PDE8B: variants seen among roughly 807,000 people sequenced by gnomAD.
The protein encoded by PDE8B is high affinity cAMP-specific and IBMX-insensitive 3',5'-cyclic phosphodiesterase 8B.
Under a neutral mutation model 101.3 loss-of-function variants are expected in PDE8B, and 26 were observed. That is an observed-to-expected ratio of 0.26 (90% CI 0.19 to 0.36). The LOEUF (loss-of-function observed/expected upper bound fraction) is 0.36, where lower values mean the gene tolerates loss of function less well. Among genes scored for constraint, PDE8B ranks in the 10% least tolerant of loss-of-function variants. PDE8B has a pLI of 1.00. For synonymous variants in PDE8B, 424 were observed against 429.3 expected (o/e 0.99, Z 0.15); for missense variants, 810 against 1,163.1 (o/e 0.70, Z 4.42).
At position 77,291,032 on chromosome 5, in the gene PDE8B, C is replaced by G. The variant is rs954312258; in HGVS notation, c.340-20962C>G. 9 of 1,611,762 alleles carry G rather than the reference C, an allele frequency of 5.6e-6. No homozygotes were observed. The Middle Eastern group carries it at 4.9e-4, about 88-fold the overall frequency. ...GCACTCAGGTGGGAAAACAGATGGC[C>G]CTGATGGTGCAGGAGAGGTTTGGGA... On this transcript the variant is annotated intron_variant, in intron 1 of 21. Coordinates refer to ENST00000264917, the MANE Select transcript of PDE8B (RefSeq NM_003719.5).
At chr5:77,309,331 T>C (rs960768775) in intron 1 of PDE8B, among the ~76,000 whole-genome samples, 1 of 152,170 alleles carries the variant, frequency 6.6e-6, no homozygotes, top group Non-Finnish European at 1.5e-5. Flanking sequence ...TTATTATTTT[T>C]TGGACAGCCT....
chr5:77,204,473 A>C, the PDE8B span, among the ~76,000 whole-genome samples: 1 of 152,024 alleles, frequency 6.6e-6, no homozygotes, highest in Non-Finnish European at 1.5e-5. Flanking sequence ...TTTGCAAGAC[A>C]ATGGATTTGT....
chr5:77,175,870 C>G, the PDE8B span, among the ~76,000 whole-genome samples: 1 of 152,000 alleles, frequency 6.6e-6, no homozygotes, highest in Non-Finnish European at 1.5e-5. Flanking sequence ...TATATAGATA[C>G]GCACATACAT....
At chr5:77,312,172 CGGCTCACTGCAACCTCT>C in intron 2 of PDE8B, 119 bp downstream of exon 2, 1 of 716,166 alleles carries the variant, frequency 1.4e-6, no homozygotes, top group Non-Finnish European at 2.4e-6. Context: ...GGCTCAGTCT[CGGCTCACTGCAACCTCT>C]GCCTCCTGGG....
At chr5:77,416,642 G>A (rs951630810) in intron 17 of PDE8B, among the ~76,000 whole-genome samples, 4 of 152,222 alleles carry the variant, frequency 2.6e-5, no homozygotes, top group African/African-American at 7.2e-5. Flanking sequence ...GCTCCATGGG[G>A]TCAGCGTTGG....
intron 10 of PDE8B, among the ~76,000 whole-genome samples, chr5:77,361,487 T>C (rs1278392899): frequency 6.6e-6 from 1 of 151,948 alleles, no homozygotes; most frequent in East Asian, 1.9e-4. Context: ...AATTTCTATG[T>C]ACACCTTTGT....
intron 10 of PDE8B, among the ~76,000 whole-genome samples, chr5:77,366,504 T>C (rs1394112059): frequency 6.6e-6 from 1 of 152,162 alleles, no homozygotes; most frequent in Non-Finnish European, 1.5e-5. Flanking sequence ...TGGTCCAGGC[T>C]CAGGCAGGGG....
chr5:77,097,693 C>CTATA, the PDE8B span, among the ~76,000 whole-genome samples: 2 of 30,218 alleles, frequency 6.6e-5, no homozygotes, highest in Admixed American at 4.9e-4. Context: ...TTTTATATAT[C>CTATA]TATATATATA....
chr5:77,328,778 T>C (rs1174070705), intron 3 of PDE8B, among the ~76,000 whole-genome samples: 1 of 152,192 alleles, frequency 6.6e-6, no homozygotes, highest in African/African-American at 2.4e-5. Flanking sequence ...ACCTATTGGA[T>C]AATTGCCTGG....
At chr5:77,328,953 C>T (rs751181028) in intron 3 of PDE8B, 45 bp from the exon 4 acceptor site, 1 of 1,499,442 alleles carries the variant, frequency 6.7e-7, no homozygotes, top group East Asian at 2.3e-5. Context: ...TTTAATGTAA[C>T]AAAGCCCAGA....
chr5:77,349,304 A>C, intron 7 of PDE8B, 115 bp from the exon 8 acceptor site: 1 of 1,362,464 alleles, frequency 7.3e-7, no homozygotes, highest in Non-Finnish European at 1.0e-6. Context: ...TGCCCTGGGA[A>C]CTTCTTGCTT....
At chr5:77,124,943 G>T in the PDE8B span, among the ~76,000 whole-genome samples, 12 of 152,272 alleles carry the variant, frequency 7.9e-5, no homozygotes, top group African/African-American at 2.4e-4. Flanking sequence ...AATAGTAAAA[G>T]AAATTTCTAA....
chr5:77,169,446 T>G, the PDE8B span, among the ~76,000 whole-genome samples: 1 of 152,194 alleles, frequency 6.6e-6, no homozygotes, highest in African/African-American at 2.4e-5. Context: ...CAAGAATTTG[T>G]GTCTCCAAGT....
the PDE8B span, chr5:77,106,037 T>G: frequency 6.6e-6 from 1 of 152,210 alleles, no homozygotes; most frequent in Non-Finnish European, 1.5e-5. Context: ...CACAGTTGAG[T>G]TGTATTAGTT....
intron 16 of PDE8B, among the ~76,000 whole-genome samples, chr5:77,412,884 A>T (rs973989854): frequency 6.6e-6 from 1 of 152,214 alleles, no homozygotes; most frequent in African/African-American, 2.4e-5. Context: ...TTTAGAGTTC[A>T]TCTAGAAATA....
At chr5:77,208,757 G>A (rs1747713680), upstream of PDE8B, among the ~76,000 whole-genome samples, 1 of 152,148 alleles carries the variant, frequency 6.6e-6, no homozygotes, top group Non-Finnish European at 1.5e-5. Flanking sequence ...ACATCTCCTA[G>A]GGGCAGTGCC....
the PDE8B span, among the ~76,000 whole-genome samples, chr5:77,121,138 A>G: frequency 6.6e-6 from 1 of 152,222 alleles, no homozygotes; most frequent in Non-Finnish European, 1.5e-5. Context: ...GGAATTCAGG[A>G]GTCACTTAGC....
At chr5:77,387,241 C>T (rs187644808) in intron 10 of PDE8B, among the ~76,000 whole-genome samples, 48 of 152,130 alleles carry the variant, frequency 3.2e-4, no homozygotes, top group Admixed American at 2.8e-3. Context: ...CTTTCAGGAG[C>T]TCTTGTAAGG....
Position 77,353,525 on chromosome 5 carries a change from T to C in PDE8B, c.1167+119T>C. On this transcript the variant is annotated intron_variant, in intron 10 of 21. Transcript: ENST00000264917. The stretch of plus-strand genomic sequence containing the variant: ...CTCCATGTCTAATTGTAGCTGCCAA[T>C]TAAGCAGATTTATGGGAAAATTTGG... The C allele has an allele frequency of 4.1e-6, 3 of 734,346 alleles. No individual in the cohort carries two copies. In the South Asian group the frequency reaches 4.4e-5, roughly 11 times the overall value. 45.5% of individuals were successfully genotyped at this position (734,346 alleles called of 1,614,324 possible). A position where few individuals can be genotyped will look rare whatever the true frequency, so the allele number is the denominator to read the frequency against.
Sources: allele counts gnomAD v4.1 joint callset (sites outside exome capture counted in the v4.1 genomes callset), GRCh38; gene constraint gnomAD v4.1.1; transcripts MANE v1.5; gene names NCBI Gene and HGNC (gene_info 2026-07-23, HGNC 2026-07-21).